SLC1A1: variants seen among roughly 807,000 people sequenced by gnomAD.
SLC1A1 encodes the protein excitatory amino acid transporter 3.
SLC1A1 carries 43 observed loss-of-function variants against 53.3 expected under a neutral mutation model. The ratio of observed to expected loss-of-function variants is 0.81; its 90% CI spans 0.63 to 1.04. SLC1A1 has a LOEUF of 1.04. SLC1A1 is among the 50% of genes least tolerant of loss of function. The pLI, the probability that SLC1A1 is intolerant of heterozygous loss-of-function variation, is 0.00. For synonymous variants in SLC1A1, 307 were observed against 243.2 expected (o/e 1.26, Z -2.44); for missense variants, 748 against 664.9 (o/e 1.12, Z -1.37).
At position 4,576,142 on chromosome 9, in the gene SLC1A1, T is replaced by C. The variant is rs1243414531; in HGVS notation, c.998+19T>C. On this transcript the variant is annotated intron_variant, in intron 9 of 11. Transcript: ENST00000262352. The stretch of plus-strand genomic sequence containing the variant: ...CTTCCAGGTAAACAGAAGAGGGGTT[T>C]CTGGAAGAAGCCTCCAGGCTCAACG... 3.7e-6 allele frequency: 6 copies of C among 1,612,318 alleles called. No individual in the cohort carries two copies. The highest frequency in any genetic ancestry group is 1.3e-5 in the African/African-American group (1 of 74,896).
intron 1 of SLC1A1, among the ~76,000 whole-genome samples, chr9:4,498,423 A>C (rs1447931749): frequency 6.6e-6 from 1 of 152,180 alleles, no homozygotes; most frequent in Admixed American, 6.5e-5. Flanking sequence ...CAAAGTACAC[A>C]ATACTCCAAA....
At chr9:4,552,425 C>T (rs1818011069) in intron 2 of SLC1A1, among the ~76,000 whole-genome samples, 1 of 152,106 alleles carries the variant, frequency 6.6e-6, no homozygotes, top group Non-Finnish European at 1.5e-5. Flanking sequence ...TCTTTGTCCT[C>T]CCAAAATAGC....
At chr9:4,526,996 A>G (rs1816285632) in intron 1 of SLC1A1, among the ~76,000 whole-genome samples, 1 of 152,202 alleles carries the variant, frequency 6.6e-6, no homozygotes. Flanking sequence ...TAATCAAAAC[A>G]GATGATCCTG....
rs1251924241 is a variant in SLC1A1, at chr9:4,573,962, G to A, written c.823G>A (p.Asp275Asn). 3.8e-5 allele frequency: 62 copies of A among 1,613,926 alleles called. No individual in the cohort carries two copies. The highest frequency in any genetic ancestry group is 4.8e-5 in the Non-Finnish European group (57 of 1,179,932). The change falls in exon 8 of 12, where the codon GAC (aspartate) becomes AAC (asparagine). Residue 275 changes from aspartate (D) to asparagine (N), a missense_variant. Transcript: ENST00000262352. ...LIAGKIIEVE[D>N]WEIFRKLGLY... is the part of the protein sequence containing the mutation. ...TGCTGGGAAGATCATAGAAGTTGAA[G>A]ACTGGGAAATATTCCGCAAGCTGGG...
In SLC1A1 at chr9:4,543,287, C is replaced by G. The variant is rs1586739104; in HGVS notation, c.92-1280C>G. On this transcript the variant is annotated intron_variant, in intron 1 of 11. Coordinates refer to ENST00000262352, the MANE Select transcript of SLC1A1 (RefSeq NM_004170.6). ...ATATCCTCCTTGAATCTTTCTGCCA[C>G]TTAGTCATTTTACTTCCAAATATCA... is the stretch of plus-strand genomic sequence containing the variant. Among the ~76,000 whole-genome samples the G allele has an allele frequency of 5.9e-5, 9 of 152,238 alleles. No homozygotes were observed. In the South Asian group the frequency reaches 1.7e-3, roughly 28 times the overall value.
chr9:4,509,737 G>C (rs907075791), intron 1 of SLC1A1, among the ~76,000 whole-genome samples: 1 of 152,158 alleles, frequency 6.6e-6, no homozygotes, highest in Non-Finnish European at 1.5e-5. Flanking sequence ...AGAGTGACTA[G>C]CACAGAGCCA....
intron 6 of SLC1A1, among the ~76,000 whole-genome samples, chr9:4,570,464 T>C (rs1362511616): frequency 8.7e-6 from 1 of 114,814 alleles, no homozygotes; most frequent in African/African-American, 3.9e-5. Flanking sequence ...CTCCGCCTCC[T>C]GGGTTCAAGC....
rs1554681237 is a variant in SLC1A1, at chr9:4,545,189, G to GTCTCCCTCTC, written c.232+486_232+487insCCTCTCTCTC. 1.0e-3 allele frequency among the ~76,000 whole-genome samples: 135 copies of GTCTCCCTCTC among 130,986 alleles called. 1 individual carries two copies. The highest frequency in any genetic ancestry group is 4.1e-3 in the Middle Eastern group (1 of 242). The allele number at this position is 130,986 out of a possible 152,430, so 85.9% of individuals were successfully genotyped here. A position where few individuals can be genotyped will look rare whatever the true frequency, so the allele number is the denominator to read the frequency against. ...CGGGAAAAATTGAAATACATTAGAT[G>GTCTCCCTCTC]TCTCTCTCTCTCTCTCTCTCTCTCT... On this transcript the variant is annotated intron_variant, in intron 2 of 11. Transcript: ENST00000262352.
intron 1 of SLC1A1, among the ~76,000 whole-genome samples, chr9:4,499,570 C>G (rs1485212964): frequency 9.2e-6 from 1 of 108,412 alleles, no homozygotes; most frequent in East Asian, 2.9e-4. Flanking sequence ...ATATATGACT[C>G]AAGTCTATCA....
intron 1 of SLC1A1, among the ~76,000 whole-genome samples, chr9:4,517,560 G>T (rs573944069): frequency 2.6e-5 from 4 of 152,272 alleles, no homozygotes; most frequent in Admixed American, 2.6e-4. Flanking sequence ...GCTTTCGGCT[G>T]AACACTGGTC....
chr9:4,490,835 C>T, intron 1 of SLC1A1, 65 bp downstream of exon 1: 2 of 1,388,578 alleles, frequency 1.4e-6, no homozygotes, highest in East Asian at 2.3e-5. Flanking sequence ...AGGCCGCGTG[C>T]GGCTGAGGGT....
chr9:4,561,662 T>C (rs950751056), intron 3 of SLC1A1, 121 bp downstream of exon 3: 16 of 754,634 alleles, frequency 2.1e-5, no homozygotes, highest in African/African-American at 3.4e-5. Context: ...GAGGCTGATG[T>C]GGGCAGATCC....
At chr9:4,523,763 T>G (rs1379673188) in intron 1 of SLC1A1, among the ~76,000 whole-genome samples, 1 of 152,258 alleles carries the variant, frequency 6.6e-6, no homozygotes, top group Non-Finnish European at 1.5e-5. Context: ...TTATTCTAAG[T>G]ACTTTACATA....
intron 1 of SLC1A1, among the ~76,000 whole-genome samples, chr9:4,515,033 TTC>T (rs959544672): frequency 1.3e-5 from 2 of 151,288 alleles, no homozygotes; most frequent in South Asian, 2.1e-4. Flanking sequence ...CCTCTTCTCT[TTC>T]TCTCTCTCTC....
At chr9:4,558,757 T>C (rs1818660090) in intron 2 of SLC1A1, among the ~76,000 whole-genome samples, 1 of 152,154 alleles carries the variant, frequency 6.6e-6, no homozygotes, top group Non-Finnish European at 1.5e-5. Context: ...AACAGCTCTG[T>C]AACTACTCTG....
chr9:4,536,281 T>C (rs1325073639), intron 1 of SLC1A1, among the ~76,000 whole-genome samples: 2 of 152,058 alleles, frequency 1.3e-5, no homozygotes, highest in South Asian at 2.1e-4. Flanking sequence ...GAGAAAACTT[T>C]TGCAATCTAC....
chr9:4,578,689 T>C (rs533525288), intron 10 of SLC1A1, among the ~76,000 whole-genome samples: 1 of 152,360 alleles, frequency 6.6e-6, no homozygotes, highest in South Asian at 2.1e-4. Flanking sequence ...AAGTAGATGG[T>C]AGAACTGTCA....
At chr9:4,493,875 T>TA (rs1172855768) in intron 1 of SLC1A1, among the ~76,000 whole-genome samples, 5 of 152,338 alleles carry the variant, frequency 3.3e-5, no homozygotes, top group Admixed American at 1.3e-4. Context: ...TTTTTCAAGA[T>TA]ACAGCACATG....
At chr9:4,517,447 G>A (rs1815891324) in intron 1 of SLC1A1, among the ~76,000 whole-genome samples, 1 of 152,208 alleles carries the variant, frequency 6.6e-6, no homozygotes, top group Admixed American at 6.5e-5. Context: ...CCTCTGTGGT[G>A]CTGGCACGAA....
Sources: gnomAD v4.1 joint callset for allele counts (sites outside exome capture counted in the v4.1 genomes callset) on GRCh38, gnomAD v4.1.1 for gene constraint, MANE v1.5 for transcripts, NCBI Gene and HGNC (gene_info 2026-07-23, HGNC 2026-07-21) for gene names.